CHD4: variants seen among roughly 807,000 people sequenced by gnomAD.
CHD4 encodes the protein ATP-dependent chromatin remodeler CHD4.
Under a neutral mutation model 235.5 loss-of-function variants are expected in CHD4, and 35 were observed. The ratio of observed to expected loss-of-function variants is 0.15; its 90% CI spans 0.11 to 0.20. The LOEUF (loss-of-function observed/expected upper bound fraction) is 0.20. CHD4 is among the 10% of genes least tolerant of loss of function. CHD4 has a pLI of 1.00. For synonymous variants in CHD4, 900 were observed against 850.2 expected, an observed-to-expected ratio of 1.06 and a Z score of -1.02; for missense variants, 1,329 against 2,432.3, an observed-to-expected ratio of 0.55 and a Z score of 9.54.
chr12:6,600,082 T>G, intron 9 of CHD4, 70 bp from the exon 10 acceptor site: 1 of 1,120,914 alleles, frequency 8.9e-7, no homozygotes, highest in Non-Finnish European at 1.3e-6. Flanking sequence ...CCAGTGCCCA[T>G]CATTCCTTTG....
At chr12:6,599,708 C>T in intron 10 of CHD4, 65 bp downstream of exon 10, 1 of 1,602,040 alleles carries the variant, frequency 6.2e-7, no homozygotes, top group Non-Finnish European at 8.5e-7. Flanking sequence ...CCCAGCCTCA[C>T]AATAGCCTAC....
At position 6,606,335 on chromosome 12, in the gene CHD4, C is replaced by T. The variant is rs375945240; in HGVS notation, c.39G>A (p.Ala13=). Residue 13 remains alanine, a synonymous_variant, in exon 2 of 40, where the codon GCG becomes GCA. Transcript: ENST00000544040. ...CATCCATATCCTCCTCCTCACTGCC[C>T]GCCGAGCAGGGGGACGGGGAGCCCA... ...SGLGSPSPCS[A]GSEEEDMDAL... is the part of the protein sequence containing the mutation. 52 of 1,570,878 alleles carry T rather than the reference C, an allele frequency of 3.3e-5. No homozygotes were observed. The African/African-American group carries it at 6.0e-4, about 18-fold the overall frequency.
At chr12:6,590,572 A>C (rs1381710021) in intron 22 of CHD4, among the ~76,000 whole-genome samples, 1 of 152,130 alleles carries the variant, frequency 6.6e-6, no homozygotes, top group Non-Finnish European at 1.5e-5. Context: ...TAATCTCAAT[A>C]CTTTGGGAGG....
rs142800397 is a variant in CHD4 at position 6,599,932 on chromosome 12, G to C, written c.1323C>G (p.Leu441=). The C allele has an allele frequency of 5.0e-6, 8 of 1,614,056 alleles. No individual in the cohort carries two copies. In the East Asian group the frequency reaches 1.3e-4, roughly 27 times the overall value. Residue 441 remains leucine (L), a synonymous_variant, in exon 10 of 40, where the codon CTC becomes CTG. Transcript: ENST00000544040. ...EEILEEVGGD[L]EEEDDHHMEF... ...CCATATGGTGGTCATCCTCCTCTTC[G>C]AGGTCTCCCCCAACCTCTTCCAGGA...
chr12:6,587,103 G>T (rs989452594), intron 25 of CHD4: 2 of 388,764 alleles, frequency 5.1e-6, no homozygotes, highest in South Asian at 8.5e-5. Flanking sequence ...AATTTCATTT[G>T]TAAGGTTTAA....
At position 6,601,382 on chromosome 12, in the gene CHD4, C is replaced by T. The variant is rs781341074; in HGVS notation, c.706G>A (p.Val236Met). 12 of 1,614,078 alleles carry T rather than the reference C, an allele frequency of 7.4e-6. No homozygotes were observed. Among genetic ancestry groups the T allele is most frequent in the South Asian group, 3.3e-5 (3 of 91,088 alleles). Residue 236 changes from valine to methionine, a missense_variant, in exon 6 of 40, where the codon GTG (valine) becomes ATG (methionine). This residue lies in a region of CHD4 where 160 missense variants were observed against 196.6 expected (regional missense o/e 0.81). Coordinates refer to ENST00000544040, the MANE Select transcript of CHD4 (RefSeq NM_001273.5). ...GTGGCTGTCACCATGCTCTCCACCA[C>T]AGCTACCGCTGCTGCTGCCGCAGCT... ...VAAAAAAAVA[V>M]VESMVTATEV...
intron 12 of CHD4, among the ~76,000 whole-genome samples, chr12:6,597,461 G>A (rs1316483294): frequency 2.7e-5 from 4 of 149,828 alleles, no homozygotes; most frequent in Non-Finnish European, 5.9e-5. Flanking sequence ...GCTAAAATTT[G>A]TCTCAAAATA....
chr12:6,591,453 C>T lies in CHD4; in HGVS notation c.3340+13G>A, dbSNP rs1555169798. ...TGAGGATTCCTGAAACTAAACAACT[C>T]CTTCTCTCTCACCATTGAAGCGGTC... is the stretch of plus-strand genomic sequence containing the variant. On this transcript the variant is annotated intron_variant, in intron 22 of 39. Transcript: ENST00000544040. The T allele has an allele frequency of 6.2e-6, 10 of 1,604,148 alleles. No homozygotes were observed. In the Middle Eastern group the frequency reaches 1.2e-3, roughly 186 times the overall value.
chr12:6,606,509 C>T (rs1948703879), intron 1 of CHD4, 58 bp from the exon 2 acceptor site: 3 of 528,636 alleles, frequency 5.7e-6, no homozygotes, highest in Non-Finnish European at 9.9e-6. Context: ...TGTCCCCCTC[C>T]CCCACACCCA....
At chr12:6,575,720 A>G (rs1211422661) in intron 37 of CHD4, among the ~76,000 whole-genome samples, 2 of 152,130 alleles carry the variant, frequency 1.3e-5, no homozygotes, top group Non-Finnish European at 2.9e-5. Flanking sequence ...GTGGCTGCCC[A>G]TTAACGATAG....
chr12:6,603,039 G>A, intron 2 of CHD4: 1 of 152,634 alleles, frequency 6.6e-6, no homozygotes, highest in Non-Finnish European at 1.5e-5. Flanking sequence ...AGGTTCAGGT[G>A]CCAGCTCAAT....
intron 10 of CHD4, among the ~76,000 whole-genome samples, chr12:6,599,051 C>T (rs1948545600): frequency 6.6e-6 from 1 of 152,184 alleles, no homozygotes; most frequent in South Asian, 2.1e-4. Context: ...TAGACTTTAA[C>T]AATAAGCCAG....
At chr12:6,591,871 G>A (rs1428678892) in intron 20 of CHD4, 45 bp downstream of exon 20, 1 of 1,613,786 alleles carries the variant, frequency 6.2e-7, no homozygotes, top group African/African-American at 1.3e-5. Flanking sequence ...AAGCCCACAT[G>A]GAGAAGACCC....
chr12:6,602,636 G>A (rs2136226490), intron 2 of CHD4, 139 bp from the exon 3 acceptor site: 2 of 1,159,174 alleles, frequency 1.7e-6, no homozygotes, highest in African/African-American at 1.6e-5. Flanking sequence ...CTCTGTACAG[G>A]AGGAAGCTGA....
intron 25 of CHD4, among the ~76,000 whole-genome samples, chr12:6,585,615 C>G (rs1385858004): frequency 6.6e-6 from 1 of 151,564 alleles, no homozygotes; most frequent in Non-Finnish European, 1.5e-5. Context: ...TGGTGAAACC[C>G]CATCTCTACT....
chr12:6,585,956 C>T (rs1406030420), intron 25 of CHD4, among the ~76,000 whole-genome samples: 2 of 151,406 alleles, frequency 1.3e-5, no homozygotes, highest in Non-Finnish European at 2.9e-5. Context: ...AAAAATTAGC[C>T]GGGCATGGTG....
In CHD4 at chr12:6,599,774, G is replaced by C. The variant is rs375234607; in HGVS notation, c.1481C>G (p.Thr494Arg). ...PNGEWLCPRC[T>R]CPALKGKVQK... ...CCCCGGCTGAGATCAGTCACTCACC[G>C]TACAACGGGGACAGAGCCATTCACC... The change falls in exon 10 of 40, where the codon ACG becomes AGG. Residue 494 changes from threonine to arginine, a missense_variant and splice_region_variant. Thr to Arg is a moderately conservative substitution (Grantham distance 71). Around this residue, in one of 26 missense-constraint regions of CHD4, gnomAD observed 33 missense variants for 84.2 expected, o/e 0.39. Coordinates refer to ENST00000544040, the MANE Select transcript of CHD4 (RefSeq NM_001273.5). The C allele has an allele frequency of 6.2e-7, 1 of 1,614,114 alleles. No homozygotes were observed. The highest frequency in any genetic ancestry group is 2.2e-5 in the East Asian group (1 of 44,878).
intron 2 of CHD4, among the ~76,000 whole-genome samples, chr12:6,603,568 G>GA (rs928793963): frequency 1.3e-5 from 2 of 151,526 alleles, no homozygotes; most frequent in Admixed American, 6.6e-5. Context: ...TGGGGTGGCG[G>GA]GGGGGGAGAC....
chr12:6,580,836 G>A (rs1265023944), intron 33 of CHD4: 19 of 572,300 alleles, frequency 3.3e-5, no homozygotes, highest in Middle Eastern at 9.4e-4. Flanking sequence ...GTGAAACCCT[G>A]TCTCTACTAA....
Sources: allele counts gnomAD v4.1 joint callset (sites outside exome capture counted in the v4.1 genomes callset), GRCh38; gene constraint gnomAD v4.1.1; regional missense constraint gnomAD v4.1.1; transcripts MANE v1.5; gene names NCBI Gene and HGNC (gene_info 2026-07-23, HGNC 2026-07-21).